Variants in SCIN observed in about 807,000 individuals in gnomAD.
SCIN encodes adseverin.
Under a neutral mutation model 91.8 loss-of-function variants are expected in SCIN, and 91 were observed. The ratio of observed to expected loss-of-function variants is 0.99; its 90% CI spans 0.84 to 1.18. SCIN has a LOEUF of 1.18. Among genes scored for constraint, SCIN ranks in the 50% most tolerant of loss-of-function variants. The pLI, the probability that SCIN is intolerant of heterozygous loss-of-function variation, is 0.00. For synonymous variants in SCIN, 367 were observed against 312.6 expected, an observed-to-expected ratio of 1.17 and a Z score of -1.84; for missense variants, 1,087 against 863.9, an observed-to-expected ratio of 1.26 and a Z score of -3.24.
chr7:12,650,027 A>G (rs1784047962), intron 14 of SCIN, among the ~76,000 whole-genome samples: 1 of 152,204 alleles, frequency 6.6e-6, no homozygotes. Context: ...CTTAATTTTC[A>G]AGGAAATTAG....
chr7:12,572,862 G>T (rs1236877239), intron 1 of SCIN, among the ~76,000 whole-genome samples: 3 of 152,118 alleles, frequency 2.0e-5, no homozygotes, highest in African/African-American at 7.2e-5. Context: ...GGCACTTGTG[G>T]ATATGAATAA....
At position 12,652,720 on chromosome 7, in the gene SCIN, G is replaced by C; in HGVS notation, c.*5G>C. ...TGGGATTCCAGCAAGTGGTAAATTG[G>C]TATTTGTAAAAAGCAAACAAACATT... On this transcript the variant is annotated 3_prime_UTR_variant, in exon 16 of 16. Coordinates refer to ENST00000297029, the MANE Select transcript of SCIN (RefSeq NM_001112706.3). 2 of 1,601,030 alleles carry C rather than the reference G, an allele frequency of 1.2e-6. No homozygotes were observed. Among genetic ancestry groups the C allele is most frequent in the Non-Finnish European group, 8.5e-7 (1 of 1,176,114 alleles).
chr7:12,650,903 G>A (rs1346290931), intron 14 of SCIN, among the ~76,000 whole-genome samples: 1 of 152,118 alleles, frequency 6.6e-6, no homozygotes, highest in Non-Finnish European at 1.5e-5. Flanking sequence ...TCTACACGTG[G>A]TCTACATGTG....
chr7:12,577,060 G>C (rs1191938510), intron 1 of SCIN, among the ~76,000 whole-genome samples: 1 of 152,080 alleles, frequency 6.6e-6, no homozygotes, highest in Admixed American at 6.5e-5. Context: ...TTTGACCTTA[G>C]TGAAGTTACC....
At chr7:12,618,339 G>A (rs535914279) in intron 4 of SCIN, among the ~76,000 whole-genome samples, 1 of 152,222 alleles carries the variant, frequency 6.6e-6, no homozygotes, top group African/African-American at 2.4e-5. Context: ...ACAGCACTGC[G>A]CTATAGCTAA....
At chr7:12,599,661 A>G (rs983455020) in intron 3 of SCIN, among the ~76,000 whole-genome samples, 1 of 151,528 alleles carries the variant, frequency 6.6e-6, no homozygotes, top group East Asian at 1.9e-4. Flanking sequence ...GTTCCCTTTC[A>G]CCACACCCAC....
intron 15 of SCIN, among the ~76,000 whole-genome samples, chr7:12,652,243 T>C (rs6948807): frequency 0.23 from 34,916 of 152,194 alleles, 4,129 homozygotes; most frequent in Middle Eastern, 0.25. Flanking sequence ...TGCTGTTCTT[T>C]CTGGCACAAT....
At chr7:12,618,618 A>G (rs995022071) in intron 4 of SCIN, among the ~76,000 whole-genome samples, 2 of 152,116 alleles carry the variant, frequency 1.3e-5, no homozygotes, top group African/African-American at 4.8e-5. Context: ...ATAACTGGTC[A>G]TTTTATATCT....
At chr7:12,625,263 T>C in intron 6 of SCIN, 121 bp downstream of exon 6, 1 of 889,698 alleles carries the variant, frequency 1.1e-6, no homozygotes. Context: ...ACATGATCTA[T>C]AAATGTCTCA....
At chr7:12,590,720 T>C (rs1349529204) in intron 3 of SCIN, among the ~76,000 whole-genome samples, 1 of 152,160 alleles carries the variant, frequency 6.6e-6, no homozygotes, top group Non-Finnish European at 1.5e-5. Context: ...AGATTTCATC[T>C]GAACCTGTTC....
intron 3 of SCIN, among the ~76,000 whole-genome samples, chr7:12,599,236 T>A (rs1398476626): frequency 6.6e-6 from 1 of 152,234 alleles, no homozygotes; most frequent in Admixed American, 6.5e-5. Context: ...CTTTTGATCT[T>A]TCACTTTAAT....
chr7:12,588,686 C>G (rs997493111), intron 3 of SCIN, among the ~76,000 whole-genome samples: 1 of 151,640 alleles, frequency 6.6e-6, no homozygotes, highest in Non-Finnish European at 1.5e-5. Flanking sequence ...CCACGTTTCT[C>G]GTGACCTCCC....
chr7:12,622,880 C>G lies in SCIN; in HGVS notation c.746C>G (p.Ala249Gly). The change falls in exon 5 of 16, where the codon GCT (alanine) becomes GGT (glycine). Residue 249 changes from alanine (A) to glycine (G), a missense_variant. Transcript: ENST00000297029. The stretch of plus-strand genomic sequence containing the variant: ...GCAGACATAAGTAACAGGAAAATGG[C>G]TAAACTATACATGGTGAGTTCACTG... ...IIADISNRKM[A>G]KLYMVSDASG... 6.2e-7 allele frequency: 1 copy of G among 1,610,948 alleles called. No individual in the cohort carries two copies. The highest frequency in any genetic ancestry group is 1.3e-5 in the African/African-American group (1 of 74,930).
Position 12,586,004 on chromosome 7 carries a change from T to C in SCIN, c.516+4783T>C, listed in dbSNP as rs534961759. ...GTGTCCCAGCCCTTTAGGGTCAGAT[T>C]TAGACTTAACTTCCCTGTCATTATG... On this transcript the variant is annotated intron_variant, in intron 3 of 15. Coordinates refer to ENST00000297029, the MANE Select transcript of SCIN (RefSeq NM_001112706.3). 3.3e-5 allele frequency among the ~76,000 whole-genome samples: 5 copies of C among 152,334 alleles called. No homozygotes were observed. In the South Asian group the frequency reaches 1.0e-3, roughly 32 times the overall value.
intron 4 of SCIN, among the ~76,000 whole-genome samples, chr7:12,620,894 C>T (rs976597634): frequency 1.3e-5 from 2 of 152,078 alleles, no homozygotes; most frequent in African/African-American, 2.4e-5. Context: ...TTGGCTAGAA[C>T]AACTGACGAA....
chr7:12,577,848 C>CCT, intron 1 of SCIN: 1 of 452,806 alleles, frequency 2.2e-6, no homozygotes, highest in Non-Finnish European at 3.8e-6. Flanking sequence ...AGAGCAACAC[C>CCT]CTCTCTCAAA....
chr7:12,570,890 G>C lies in SCIN; in HGVS notation c.104G>C (p.Ser35Thr), dbSNP rs1368778682. ...EKLELVPVPQ[S>T]AHGDFYVGDA... ...CTGGAGCTGGTGCCCGTGCCCCAGA[G>C]CGCTCACGGCGACTTCTACGTCGGG... Residue 35 changes from serine to threonine, a missense_variant, in exon 1 of 16, where the codon AGC becomes ACC. Ser to Thr is a moderately conservative substitution (Grantham distance 58). Coordinates refer to ENST00000297029, the MANE Select transcript of SCIN (RefSeq NM_001112706.3). 1.3e-6 allele frequency: 2 copies of C among 1,551,496 alleles called. No individual in the cohort carries two copies. Among genetic ancestry groups the C allele is most frequent in the African/African-American group, 1.4e-5 (1 of 73,044 alleles).
chr7:12,626,860 G>A (rs1205483025), intron 8 of SCIN, 61 bp downstream of exon 8: 7 of 1,404,900 alleles, frequency 5.0e-6, no homozygotes, highest in Non-Finnish European at 6.9e-6. Context: ...GGGGGAGGGT[G>A]GGGGAGATCA....
At chr7:12,608,525 T>C (rs574238872) in intron 4 of SCIN, among the ~76,000 whole-genome samples, 1 of 152,294 alleles carries the variant, frequency 6.6e-6, no homozygotes, top group Non-Finnish European at 1.5e-5. Flanking sequence ...TCACACAGTC[T>C]AGAGTGCAGT....
Sources: gnomAD v4.1 joint callset for allele counts (sites outside exome capture counted in the v4.1 genomes callset) on GRCh38, gnomAD v4.1.1 for gene constraint, MANE v1.5 for transcripts, NCBI Gene and HGNC (gene_info 2026-07-23, HGNC 2026-07-21) for gene names.